The following DLGAP1 variants were observed in gnomAD, a reference collection of about 807,000 sequenced individuals.
DLGAP1 encodes disks large-associated protein 1.
In DLGAP1, 11 loss-of-function variants were observed where a neutral mutation model predicts 90.8. The ratio of observed to expected loss-of-function variants is 0.12; its 90% CI spans 0.08 to 0.20. The LOEUF (loss-of-function observed/expected upper bound fraction) is 0.20, where lower values mean the gene tolerates loss of function less well. DLGAP1 is among the 10% of genes least tolerant of loss of function. The pLI, the probability that DLGAP1 is intolerant of heterozygous loss-of-function variation, is 1.00. For synonymous variants in DLGAP1, 558 were observed against 540.7 expected (o/e 1.03, Z -0.44); for missense variants, 1,050 against 1,333.8 (o/e 0.79, Z 3.31).
intron 1 of DLGAP1, among the ~76,000 whole-genome samples, chr18:4,200,261 T>C (rs1047019377): frequency 6.6e-6 from 1 of 152,044 alleles, no homozygotes; most frequent in African/African-American, 2.4e-5. Flanking sequence ...ATCTATACTA[T>C]GTACCACTCT....
At chr18:3,759,964 G>T (rs1231514616) in intron 5 of DLGAP1, among the ~76,000 whole-genome samples, 1 of 152,182 alleles carries the variant, frequency 6.6e-6, no homozygotes, top group Non-Finnish European at 1.5e-5. Context: ...CACTCAGGAT[G>T]CCGGTGTATC....
intron 3 of DLGAP1, among the ~76,000 whole-genome samples, chr18:3,946,969 G>GACTT (rs2072889524): frequency 6.6e-6 from 1 of 152,180 alleles, no homozygotes; most frequent in Admixed American, 6.6e-5. Context: ...TTAGGGGGGA[G>GACTT]ACTTACATGA....
intron 1 of DLGAP1, among the ~76,000 whole-genome samples, chr18:4,216,161 C>T (rs768404676): frequency 6.6e-6 from 1 of 152,026 alleles, no homozygotes; most frequent in Non-Finnish European, 1.5e-5. Context: ...ACACGTCCTT[C>T]TCATGGCAGC....
Position 3,594,745 on chromosome 18 carries a change from CTCTT to C in DLGAP1, c.1592-12501_1592-12498del. On this transcript the variant is annotated intron_variant, in intron 7 of 12. Transcript: ENST00000315677. ...GCTGCGGTAGCCTTTTCCACCCAAT[CTCTT>C]TCTTCACATCCTAGTCACAGCCAAG... Among the ~76,000 whole-genome samples, 3 of 152,294 alleles carry C rather than the reference CTCTT, an allele frequency of 2.0e-5. No homozygotes were observed. The East Asian group carries it at 5.8e-4, about 29-fold the overall frequency.
Position 3,573,507 on chromosome 18 carries a change from G to GA in DLGAP1, c.1966-5927dup, listed in dbSNP as rs1029828027. Among the ~76,000 whole-genome samples the GA allele has an allele frequency of 2.8e-4, 43 of 151,856 alleles. No individual in the cohort carries two copies. In the East Asian group the frequency reaches 7.2e-3, roughly 25 times the overall value. ...ACAAGAGCAAAACTCCATCTCAAAA[G>GA]AAAAAAGAGTCTTGATCTTTTTTGT... On this transcript the variant is annotated intron_variant, in intron 8 of 12. Coordinates refer to ENST00000315677, the MANE Select transcript of DLGAP1 (RefSeq NM_004746.4).
At chr18:4,034,269 T>C (rs1322492551) in intron 2 of DLGAP1, among the ~76,000 whole-genome samples, 1 of 150,864 alleles carries the variant, frequency 6.6e-6, no homozygotes, top group Non-Finnish European at 1.5e-5. Flanking sequence ...CTCAAACACC[T>C]GACTTCAAAT....
intron 1 of DLGAP1, among the ~76,000 whole-genome samples, chr18:4,438,431 CAAAA>C (rs11389361): frequency 3.8e-5 from 2 of 52,108 alleles, no homozygotes; most frequent in East Asian, 7.3e-4. Context: ...GACTCCATCT[CAAAA>C]AAAAAAAAAA....
intron 5 of DLGAP1, among the ~76,000 whole-genome samples, chr18:3,769,474 C>T (rs1011398118): frequency 5.3e-5 from 8 of 152,148 alleles, no homozygotes; most frequent in African/African-American, 1.4e-4. Flanking sequence ...TGTTTATAAT[C>T]GCCCCAAATT....
intron 5 of DLGAP1, among the ~76,000 whole-genome samples, chr18:3,778,545 TGTGG>T (rs1351639530): frequency 2.0e-5 from 3 of 152,040 alleles, no homozygotes; most frequent in African/African-American, 7.2e-5. Context: ...TTCTCAATAG[TGTGG>T]GCTGTATAGG....
At chr18:4,307,709 CTTTTTTTT>C (rs34193366) in intron 1 of DLGAP1, among the ~76,000 whole-genome samples, 1 of 107,212 alleles carries the variant, frequency 9.3e-6, no homozygotes, top group Non-Finnish European at 1.9e-5. Flanking sequence ...TGAGGGTTTA[CTTTTTTTT>C]TTTTTTTTTT....
rs73376596 is a variant in DLGAP1, at chr18:3,973,643, T to G, written c.-73+31473A>C. ...GTTGTTGGCAGGCCAACTGAGAGTC[T>G]TTTCCAAATTGCCTGCCAATTTTTT... On this transcript the variant is annotated intron_variant, in intron 3 of 12. Transcript: ENST00000315677. Among the ~76,000 whole-genome samples, 1,316 of 152,298 alleles carry G rather than the reference T, an allele frequency of 8.6e-3. 10 individuals carry two copies. The highest frequency in any genetic ancestry group is 0.03 in the African/African-American group (1,237 of 41,566).
chr18:4,041,260 G>GTCATCA (rs745652830), intron 2 of DLGAP1, among the ~76,000 whole-genome samples: 10 of 152,076 alleles, frequency 6.6e-5, no homozygotes, highest in Admixed American at 6.6e-4. Flanking sequence ...GCTTATTTAT[G>GTCATCA]TCATCATCAT....
At chr18:4,365,927 T>A (rs2144149616) in intron 1 of DLGAP1, among the ~76,000 whole-genome samples, 1 of 152,262 alleles carries the variant, frequency 6.6e-6, no homozygotes, top group Admixed American at 6.5e-5. Flanking sequence ...CATAAGTTTT[T>A]TAAATGTTAT....
In DLGAP1 at chr18:4,269,525, TG is replaced by T. The variant is rs1361890217; in HGVS notation, c.-266-118239del. 2.6e-5 allele frequency among the ~76,000 whole-genome samples: 4 copies of T among 151,506 alleles called. No homozygotes were observed. The South Asian group carries it at 6.2e-4, about 24-fold the overall frequency. ...CCCACCACCATGCGCGGCTAATTTT[TG>T]TGTATTTTTAGTAGAGACGGGGTTT... On this transcript the variant is annotated intron_variant, in intron 1 of 12. Transcript: ENST00000315677.
chr18:4,126,796 C>T (rs2076239456), intron 2 of DLGAP1, among the ~76,000 whole-genome samples: 1 of 152,030 alleles, frequency 6.6e-6, no homozygotes, highest in Non-Finnish European at 1.5e-5. Context: ...CACAGAAACC[C>T]AAAAACGTAG....
intron 3 of DLGAP1, among the ~76,000 whole-genome samples, chr18:3,908,961 T>G (rs1243646293): frequency 6.6e-6 from 1 of 151,564 alleles, no homozygotes. Context: ...TCACAAGGTA[T>G]AGTTTGTGTT....
intron 1 of DLGAP1, among the ~76,000 whole-genome samples, chr18:4,364,274 GA>G (rs2081705040): frequency 1.0e-5 from 1 of 95,666 alleles, no homozygotes; most frequent in Non-Finnish European, 2.0e-5. Flanking sequence ...GGGGAGGGGG[GA>G]GGGATAGCAT....
chr18:3,781,600 G>A (rs999279469), intron 5 of DLGAP1, among the ~76,000 whole-genome samples: 6 of 151,988 alleles, frequency 3.9e-5, no homozygotes, highest in South Asian at 2.1e-4. Context: ...TGATCTGCCC[G>A]TCTCAGCCTC....
intron 7 of DLGAP1, among the ~76,000 whole-genome samples, chr18:3,613,086 C>A (rs2057707080): frequency 6.6e-6 from 1 of 152,120 alleles, no homozygotes; most frequent in Non-Finnish European, 1.5e-5. Context: ...GGTCCACCTG[C>A]CTCGGCTTCC....
Sources: gnomAD v4.1 joint callset for allele counts (sites outside exome capture counted in the v4.1 genomes callset) on GRCh38, gnomAD v4.1.1 for gene constraint, MANE v1.5 for transcripts, NCBI Gene and HGNC (gene_info 2026-07-23, HGNC 2026-07-21) for gene names.